SDK2: variants seen among roughly 807,000 people sequenced by gnomAD.
SDK2 encodes protein sidekick-2.
SDK2 carries 105 observed loss-of-function variants against 253.9 expected under a neutral mutation model. The ratio of observed to expected loss-of-function variants is 0.41; its 90% CI spans 0.35 to 0.49. SDK2 has a LOEUF of 0.49. Ranked by LOEUF, SDK2 falls within the 20% of genes least tolerant of loss-of-function variation. SDK2 has a pLI of 0.06. For missense variants in SDK2, 2,608 were observed against 3,003.0 expected, an observed-to-expected ratio of 0.87 and a Z score of 3.07; for synonymous variants, 1,249 against 1,234.9, an observed-to-expected ratio of 1.01 and a Z score of -0.24.
At chr17:73,637,264 T>C (rs8075595) in intron 1 of SDK2, among the ~76,000 whole-genome samples, 1 of 152,182 alleles carries the variant, frequency 6.6e-6, no homozygotes, top group Non-Finnish European at 1.5e-5. Context: ...CATGAGATCC[T>C]GTTGTCTTTT....
At position 73,402,167 on chromosome 17, in the gene SDK2, A is replaced by G. The variant is rs772190750; in HGVS notation, c.2485-26T>C. The G allele has an allele frequency of 3.7e-6, 6 of 1,603,696 alleles. No individual in the cohort carries two copies. The South Asian group carries it at 5.6e-5, about 15-fold the overall frequency. On this transcript the variant is annotated intron_variant, in intron 18 of 44. Transcript: ENST00000392650. ...CTGCGGAGAGGCGAGCAAGTCACACAGGGCAGCAGGAAGGTTCCAGAGGAG... is the reference window on the plus strand; with the variant it reads ...CTGCGGAGAGGCGAGCAAGTCACACGGGGCAGCAGGAAGGTTCCAGAGGAG...
At chr17:73,498,284 A>G (rs541363678) in intron 2 of SDK2, among the ~76,000 whole-genome samples, 1 of 152,272 alleles carries the variant, frequency 6.6e-6, no homozygotes, top group East Asian at 1.9e-4. Flanking sequence ...GTGCTGCTCC[A>G]AACTCCTCCA....
chr17:73,606,266 G>C (rs760300291), intron 1 of SDK2, among the ~76,000 whole-genome samples: 1 of 152,114 alleles, frequency 6.6e-6, no homozygotes, highest in South Asian at 2.1e-4. Context: ...CAGCTCCCTA[G>C]GGAAGCTGGG....
intron 2 of SDK2, among the ~76,000 whole-genome samples, chr17:73,477,549 T>C (rs1296988071): frequency 2.0e-5 from 3 of 152,238 alleles, no homozygotes; most frequent in African/African-American, 7.2e-5. Flanking sequence ...GGAATAATGA[T>C]GGCCATCTTT....
At chr17:73,473,781 A>G (rs2063668058) in intron 2 of SDK2, among the ~76,000 whole-genome samples, 1 of 152,234 alleles carries the variant, frequency 6.6e-6, no homozygotes, top group Non-Finnish European at 1.5e-5. Flanking sequence ...AGTGGGACCA[A>G]CATGAGACTG....
chr17:73,482,850 C>A (rs927182650), intron 2 of SDK2, among the ~76,000 whole-genome samples: 3 of 152,222 alleles, frequency 2.0e-5, no homozygotes, highest in Non-Finnish European at 2.9e-5. Context: ...AAGCAGGGAT[C>A]CCTCCCTAAA....
intron 30 of SDK2, among the ~76,000 whole-genome samples, chr17:73,386,854 C>T (rs567125561): frequency 1.9e-4 from 29 of 152,330 alleles, no homozygotes; most frequent in African/African-American, 5.5e-4. Flanking sequence ...TTCCCCACTT[C>T]GCAGAACCAT....
chr17:73,544,006 C>A (rs1349001843), intron 1 of SDK2, among the ~76,000 whole-genome samples: 1 of 152,204 alleles, frequency 6.6e-6, no homozygotes, highest in Non-Finnish European at 1.5e-5. Flanking sequence ...TCAGCATGGT[C>A]TTGAAGATGA....
chr17:73,628,692 T>C (rs1044400394), intron 1 of SDK2, among the ~76,000 whole-genome samples: 1 of 152,186 alleles, frequency 6.6e-6, no homozygotes, highest in Non-Finnish European at 1.5e-5. Context: ...GAAGTGGCCG[T>C]CTGTGCTGCT....
intron 44 of SDK2, among the ~76,000 whole-genome samples, chr17:73,348,122 C>T (rs183569549): frequency 9.2e-5 from 14 of 152,362 alleles, no homozygotes; most frequent in Middle Eastern, 3.4e-3. Context: ...TCTCCCTGGT[C>T]TACACTGCTT....
chr17:73,411,752 G>C (rs2063127147), intron 18 of SDK2, among the ~76,000 whole-genome samples: 1 of 150,844 alleles, frequency 6.6e-6, no homozygotes, highest in South Asian at 2.1e-4. Context: ...CAGTTGGAAG[G>C]AGAGCAAATG....
chr17:73,383,139 T>C lies in SDK2; in HGVS notation c.4705+737A>G, dbSNP rs183884807. Reference sequence around the variant, plus strand: ...CCGAGTCTGTGCCTCGGTTCCAACCTCCTGCTCTCTTGCCACGTGACTGCA... The same window carrying C: ...CCGAGTCTGTGCCTCGGTTCCAACCCCCTGCTCTCTTGCCACGTGACTGCA... On this transcript the variant is annotated intron_variant, in intron 33 of 44. Transcript: ENST00000392650. The surrounding 1 kb of genome is among the most constrained non-coding windows in gnomAD (Gnocchi z 4.3). Among the ~76,000 whole-genome samples, 20 of 152,310 alleles carry C rather than the reference T, an allele frequency of 1.3e-4. No individual in the cohort carries two copies. The highest frequency in any genetic ancestry group is 1.0e-3 in the Admixed American group (16 of 15,298).
intron 6 of SDK2, among the ~76,000 whole-genome samples, chr17:73,440,571 G>A (rs749314671): frequency 2.0e-5 from 3 of 152,118 alleles, no homozygotes; most frequent in African/African-American, 4.8e-5. Context: ...CCAGGCTGAC[G>A]TCCCCTTCCC....
intron 18 of SDK2, among the ~76,000 whole-genome samples, chr17:73,408,118 C>T (rs2063095537): frequency 7.4e-6 from 1 of 134,818 alleles, no homozygotes; most frequent in Non-Finnish European, 1.5e-5. Flanking sequence ...ATGGTGTGAT[C>T]TCTGCTCACT....
At chr17:73,469,992 G>GCACACACACACA (rs34448667) in intron 3 of SDK2, among the ~76,000 whole-genome samples, 248 of 126,248 alleles carry the variant, frequency 2.0e-3, no homozygotes, top group Non-Finnish European at 3.1e-3. Flanking sequence ...GCGCGCGCGC[G>GCACACACACACA]CACACACACA....
intron 2 of SDK2, among the ~76,000 whole-genome samples, chr17:73,489,100 C>G (rs1328714071): frequency 6.6e-6 from 1 of 152,202 alleles, no homozygotes; most frequent in South Asian, 2.1e-4. Flanking sequence ...ATGACAACAA[C>G]AAAAGCAATA....
chr17:73,388,038 C>A lies in SDK2; in HGVS notation c.4193-1G>T. ...GGCCTGCTGGGGGGCTGCGGACGGT[C>A]TGGGAGGTGGCAGAGGGGGAGGAGC... On this transcript the variant is annotated splice_acceptor_variant, in intron 29 of 44. Transcript: ENST00000392650. LOFTEE classifies it high-confidence loss of function. 1 of 1,563,324 alleles carries A rather than the reference C, an allele frequency of 6.4e-7. No individual in the cohort carries two copies. Among genetic ancestry groups the A allele is most frequent in the South Asian group, 1.2e-5 (1 of 84,950 alleles).
At chr17:73,451,459 G>A (rs140967005) in intron 4 of SDK2, among the ~76,000 whole-genome samples, 5 of 152,314 alleles carry the variant, frequency 3.3e-5, no homozygotes, top group Non-Finnish European at 5.9e-5. Flanking sequence ...AGCTGAGATC[G>A]TGCCATTGCA....
chr17:73,486,666 A>G (rs994667432), intron 2 of SDK2, among the ~76,000 whole-genome samples: 1 of 151,278 alleles, frequency 6.6e-6, no homozygotes, highest in African/African-American at 2.4e-5. Context: ...GATGGAGCCA[A>G]CAGCCAGCTC....
Sources: gnomAD v4.1 joint callset for allele counts (sites outside exome capture counted in the v4.1 genomes callset) on GRCh38, gnomAD v4.1.1 for gene constraint, Gnocchi (gnomAD v3.1) non-coding constraint, MANE v1.5 for transcripts, NCBI Gene and HGNC (gene_info 2026-07-23, HGNC 2026-07-21) for gene names.